CNTN4: variants seen among roughly 807,000 people sequenced by gnomAD.
CNTN4 encodes the protein contactin 4.
In CNTN4, 77 loss-of-function variants were observed where a neutral mutation model predicts 122.5. The ratio of observed to expected loss-of-function variants is 0.63; its 90% CI spans 0.52 to 0.76. The LOEUF (loss-of-function observed/expected upper bound fraction) is 0.76, where lower values mean the gene tolerates loss of function less well. Among genes scored for constraint, CNTN4 ranks in the 30% least tolerant of loss-of-function variants. The pLI is 0.00. For synonymous variants in CNTN4, 512 were observed against 447.0 expected (o/e 1.15, Z -1.83); for missense variants, 1,256 against 1,259.1 (o/e 1.00, Z 0.04).
intron 3 of CNTN4, among the ~76,000 whole-genome samples, chr3:2,378,908 A>T (rs963869898): frequency 6.6e-6 from 1 of 152,164 alleles, no homozygotes; most frequent in Non-Finnish European, 1.5e-5. Flanking sequence ...CAATACCAAT[A>T]TCACTATCAA....
chr3:2,701,483 C>T (rs978254096), intron 4 of CNTN4, among the ~76,000 whole-genome samples: 2 of 152,150 alleles, frequency 1.3e-5, no homozygotes, highest in Non-Finnish European at 2.9e-5. Context: ...GATGAAAGGG[C>T]GTTTGAGCTG....
intron 4 of CNTN4, among the ~76,000 whole-genome samples, chr3:2,644,287 A>G (rs910563376): frequency 3.3e-5 from 5 of 152,242 alleles, no homozygotes; most frequent in African/African-American, 1.2e-4. Context: ...TTAGAGTCTC[A>G]GAATGGGTCT....
chr3:2,950,268 A>G (rs1225905727), intron 13 of CNTN4, among the ~76,000 whole-genome samples: 2 of 152,104 alleles, frequency 1.3e-5, no homozygotes, highest in Non-Finnish European at 2.9e-5. Flanking sequence ...GGAGGCTGAA[A>G]CATTTTGGCT....
At chr3:2,927,845 C>T (rs1490168867) in intron 13 of CNTN4, among the ~76,000 whole-genome samples, 4 of 152,186 alleles carry the variant, frequency 2.6e-5, no homozygotes, top group African/African-American at 9.7e-5. Context: ...TATTTATCGC[C>T]TCCACCTTCT....
At chr3:2,781,889 A>AATTTTTTTT (rs2091599737) in intron 6 of CNTN4, among the ~76,000 whole-genome samples, 1 of 65,584 alleles carries the variant, frequency 1.5e-5, no homozygotes. Flanking sequence ...ACGCCCGGCT[A>AATTTTTTTT]ATTTTTTGTA....
intron 13 of CNTN4, among the ~76,000 whole-genome samples, chr3:2,938,192 G>A (rs1313705398): frequency 1.3e-5 from 2 of 151,954 alleles, no homozygotes; most frequent in Non-Finnish European, 2.9e-5. Context: ...GAGGCTTTGG[G>A]GATCCTTGGG....
intron 3 of CNTN4, among the ~76,000 whole-genome samples, chr3:2,508,901 C>G (rs1417913998): frequency 6.6e-6 from 1 of 152,046 alleles, no homozygotes; most frequent in African/African-American, 2.4e-5. Flanking sequence ...ATTATAAACA[C>G]TTCATATTTT....
At chr3:2,437,700 T>A (rs2048303558) in intron 3 of CNTN4, among the ~76,000 whole-genome samples, 1 of 152,200 alleles carries the variant, frequency 6.6e-6, no homozygotes, top group Non-Finnish European at 1.5e-5. Context: ...TAAATGGAAA[T>A]CATGAATGAT....
chr3:2,199,414 CCT>C (rs746059285), intron 2 of CNTN4, among the ~76,000 whole-genome samples: 20 of 151,964 alleles, frequency 1.3e-4, no homozygotes, highest in African/African-American at 4.8e-4. Flanking sequence ...CTTCTCTCCC[CCT>C]GTCCCTACCA....
intron 12 of CNTN4, among the ~76,000 whole-genome samples, chr3:2,923,517 T>C (rs1236551617): frequency 2.0e-5 from 3 of 152,180 alleles, no homozygotes; most frequent in African/African-American, 7.2e-5. Flanking sequence ...TTAACACAGC[T>C]AGCCAAGGGA....
chr3:2,122,254 T>A (rs919293704), intron 2 of CNTN4, among the ~76,000 whole-genome samples: 1 of 152,196 alleles, frequency 6.6e-6, no homozygotes, highest in Non-Finnish European at 1.5e-5. Context: ...TTGCCTTTTG[T>A]CACTTTCTGC....
chr3:2,331,656 T>G (rs981793611), intron 2 of CNTN4, among the ~76,000 whole-genome samples: 2 of 152,082 alleles, frequency 1.3e-5, no homozygotes, highest in African/African-American at 4.8e-5. Context: ...TGTTCCAAGC[T>G]AAGGAACTCG....
chr3:2,475,169 C>CA (rs1277824705), intron 3 of CNTN4, among the ~76,000 whole-genome samples: 1 of 152,084 alleles, frequency 6.6e-6, no homozygotes, highest in African/African-American at 2.4e-5. Context: ...ACGAAATGGA[C>CA]AAAAAGGATT....
chr3:2,276,808 C>T (rs979343480), intron 2 of CNTN4, among the ~76,000 whole-genome samples: 3 of 152,040 alleles, frequency 2.0e-5, no homozygotes, highest in Admixed American at 1.3e-4. Flanking sequence ...CCCAGCTACT[C>T]AGGAGGCTGA....
At chr3:2,697,658 C>G (rs770597098) in intron 4 of CNTN4, among the ~76,000 whole-genome samples, 2 of 152,098 alleles carry the variant, frequency 1.3e-5, no homozygotes, top group African/African-American at 2.4e-5. Flanking sequence ...AGTTCTCCAT[C>G]ACTTGAATTA....
At chr3:2,893,740 C>CA (rs1166363950) in intron 10 of CNTN4, among the ~76,000 whole-genome samples, 2 of 152,116 alleles carry the variant, frequency 1.3e-5, no homozygotes, top group Non-Finnish European at 2.9e-5. Flanking sequence ...CCAGAGAAGG[C>CA]AAAATGTCAC....
intron 2 of CNTN4, among the ~76,000 whole-genome samples, chr3:2,309,522 TG>T (rs2150129395): frequency 6.6e-6 from 1 of 152,298 alleles, no homozygotes; most frequent in African/African-American, 2.4e-5. Flanking sequence ...TATTTCTTTT[TG>T]TTTGCGACTC....
intron 3 of CNTN4, among the ~76,000 whole-genome samples, chr3:2,438,749 G>C (rs996519679): frequency 5.9e-5 from 9 of 152,214 alleles, no homozygotes; most frequent in African/African-American, 2.2e-4. Context: ...GGCAGGTGCG[G>C]TAATAGCAGG....
At chr3:2,438,365 T>C (rs1440502309) in intron 3 of CNTN4, among the ~76,000 whole-genome samples, 1 of 151,994 alleles carries the variant, frequency 6.6e-6, no homozygotes, top group Non-Finnish European at 1.5e-5. Flanking sequence ...CTACTGAAAA[T>C]ACAAAAATTA....
Sources: allele counts gnomAD v4.1 joint callset (sites outside exome capture counted in the v4.1 genomes callset), GRCh38; gene constraint gnomAD v4.1.1; transcripts MANE v1.5; gene names NCBI Gene and HGNC (gene_info 2026-07-23, HGNC 2026-07-21).